TMEM132C: variants seen among roughly 807,000 people sequenced by gnomAD.
The protein encoded by TMEM132C is protein phosphatase 1, regulatory subunit 152.
Under a neutral mutation model 61.4 loss-of-function variants are expected in TMEM132C, and 29 were observed. The observed-to-expected ratio is 0.47, with a 90% CI of 0.35 to 0.64. The LOEUF (loss-of-function observed/expected upper bound fraction) is 0.64, where lower values mean the gene tolerates loss of function less well. Among genes scored for constraint, TMEM132C ranks in the 30% least tolerant of loss-of-function variants. The pLI is 0.00. For missense variants in TMEM132C, 1,408 were observed against 1,476.9 expected (o/e 0.95, Z 0.76); for synonymous variants, 656 against 633.1 (o/e 1.04, Z -0.54).
Position 128,486,876 on chromosome 12 carries a change from AACACACACAC to A in TMEM132C, c.975-57045_975-57036del, listed in dbSNP as rs56407388. Among the ~76,000 whole-genome samples, 615 of 131,210 alleles carry A rather than the reference AACACACACAC, an allele frequency of 4.7e-3. 1 individual carries two copies. The highest frequency in any genetic ancestry group is 0.012 in the East Asian group (58 of 4,748). 86.1% of individuals were successfully genotyped at this position (131,210 alleles called of 152,430 possible). A position where few individuals can be genotyped will look rare whatever the true frequency, so the allele number is the denominator to read the frequency against. On this transcript the variant is annotated intron_variant, in intron 2 of 8. Coordinates refer to ENST00000435159, the MANE Select transcript of TMEM132C (RefSeq NM_001136103.3). ...ATGCTTGTAAACATGTGTGCATGCA[AACACACACAC>A]ACACACACACACACACACACACACA...
At chr12:128,515,848 AG>A (rs1402290773) in intron 2 of TMEM132C, among the ~76,000 whole-genome samples, 2 of 151,690 alleles carry the variant, frequency 1.3e-5, no homozygotes, top group African/African-American at 4.8e-5. Context: ...AAAAAAAAAA[AG>A]TATCTTTGAT....
chr12:128,620,354 G>C (rs1232063611), intron 4 of TMEM132C, among the ~76,000 whole-genome samples: 1 of 151,854 alleles, frequency 6.6e-6, no homozygotes, highest in Non-Finnish European at 1.5e-5. Flanking sequence ...GACAAAGTTT[G>C]CCTTCCTGCA....
chr12:128,373,609 C>T (rs75612071), intron 1 of TMEM132C, among the ~76,000 whole-genome samples: 3,123 of 152,268 alleles, frequency 0.021, 91 homozygotes, highest in African/African-American at 0.071. Flanking sequence ...TTCAGTGGAC[C>T]GTGGGGCACA....
intron 2 of TMEM132C, among the ~76,000 whole-genome samples, chr12:128,519,598 C>G (rs370687309): frequency 2.2e-4 from 33 of 152,346 alleles, no homozygotes; most frequent in Middle Eastern, 6.8e-3. Context: ...CGGACTAAGC[C>G]TTCCTTATTA....
At chr12:128,281,003 C>T (rs890619865) in intron 1 of TMEM132C, among the ~76,000 whole-genome samples, 1 of 152,146 alleles carries the variant, frequency 6.6e-6, no homozygotes, top group African/African-American at 2.4e-5. Context: ...CATATTCCTA[C>T]ATCTCCAGCT....
intron 1 of TMEM132C, among the ~76,000 whole-genome samples, chr12:128,378,451 ATTCATT>A (rs2135988702): frequency 6.6e-6 from 1 of 152,160 alleles, no homozygotes; most frequent in African/African-American, 2.4e-5. Flanking sequence ...AAGTACCTCT[ATTCATT>A]TGCACCTTCA....
At chr12:128,646,328 C>T (rs1432163133) in intron 4 of TMEM132C, among the ~76,000 whole-genome samples, 70 of 90,996 alleles carry the variant, frequency 7.7e-4, no homozygotes, top group African/African-American at 1.3e-3. Context: ...TGAGTGTGTT[C>T]ACTAGATCCC....
In TMEM132C at chr12:128,310,731, C is replaced by T. The variant is rs111434646; in HGVS notation, c.85+43244C>T. Among the ~76,000 whole-genome samples the T allele has an allele frequency of 9.5e-3, 1,441 of 152,230 alleles. 27 individuals carry two copies. The highest frequency in any genetic ancestry group is 0.033 in the African/African-American group (1,367 of 41,512). ...ATTTGGGTGGGGACAGACATGCAAGCTATATCTACCAGTGGGGATGGAGAG... is the reference window on the plus strand; with the variant it reads ...ATTTGGGTGGGGACAGACATGCAAGTTATATCTACCAGTGGGGATGGAGAG... On this transcript the variant is annotated intron_variant, in intron 1 of 8. Coordinates refer to ENST00000435159, the MANE Select transcript of TMEM132C (RefSeq NM_001136103.3).
intron 2 of TMEM132C, among the ~76,000 whole-genome samples, chr12:128,448,440 G>A (rs1273427190): frequency 6.6e-6 from 1 of 152,176 alleles, no homozygotes; most frequent in Non-Finnish European, 1.5e-5. Context: ...GGGTCGACTG[G>A]CTATCATCTG....
chr12:128,470,752 T>C (rs1280912945), intron 2 of TMEM132C, among the ~76,000 whole-genome samples: 4 of 152,344 alleles, frequency 2.6e-5, no homozygotes, highest in Non-Finnish European at 5.9e-5. Context: ...TTTTTCTTAG[T>C]ATAAAAAGCA....
intron 3 of TMEM132C, among the ~76,000 whole-genome samples, chr12:128,602,181 C>T (rs1032795699): frequency 1.3e-5 from 2 of 152,180 alleles, no homozygotes; most frequent in African/African-American, 4.8e-5. Context: ...TGTGCTGCAG[C>T]CCGGACAGAG....
At chr12:128,504,740 A>ATTTTTTT (rs1872300415) in intron 2 of TMEM132C, among the ~76,000 whole-genome samples, 2 of 133,650 alleles carry the variant, frequency 1.5e-5, no homozygotes, top group African/African-American at 5.7e-5. Context: ...GATAATCTTC[A>ATTTTTTT]TTACCTCCTT....
At chr12:128,685,723 G>A (rs965442644) in intron 5 of TMEM132C, among the ~76,000 whole-genome samples, 5 of 150,974 alleles carry the variant, frequency 3.3e-5, no homozygotes, top group Middle Eastern at 3.4e-3. Flanking sequence ...CCAGCTCAGC[G>A]TCATGGCTGA....
At chr12:128,408,315 G>T (rs114825092) in intron 1 of TMEM132C, among the ~76,000 whole-genome samples, 2,066 of 152,272 alleles carry the variant, frequency 0.014, 47 homozygotes, top group African/African-American at 0.046. Context: ...GGAGAGAAAA[G>T]GAATCTTTAT....
intron 2 of TMEM132C, among the ~76,000 whole-genome samples, chr12:128,483,360 G>A (rs1020274307): frequency 1.3e-5 from 2 of 151,538 alleles, no homozygotes; most frequent in South Asian, 4.2e-4. Context: ...AGAGGCACAA[G>A]ACAAGCAGCC....
intron 3 of TMEM132C, among the ~76,000 whole-genome samples, chr12:128,577,631 G>A (rs1875163167): frequency 6.6e-6 from 1 of 152,228 alleles, no homozygotes; most frequent in Non-Finnish European, 1.5e-5. Context: ...CTCGCCACCG[G>A]TGCACTCTGC....
chr12:128,677,661 C>G (rs1419872920), intron 5 of TMEM132C, among the ~76,000 whole-genome samples: 1 of 152,218 alleles, frequency 6.6e-6, no homozygotes, highest in East Asian at 1.9e-4. Flanking sequence ...TGCCCCCACC[C>G]TGGTCCTCAG....
chr12:128,496,912 T>A (rs192061853), intron 2 of TMEM132C, among the ~76,000 whole-genome samples: 1 of 152,356 alleles, frequency 6.6e-6, no homozygotes, highest in Non-Finnish European at 1.5e-5. Context: ...GGTGCTCTGA[T>A]TTTTAGAATT....
At chr12:128,652,036 C>T (rs1343039784) in intron 4 of TMEM132C, among the ~76,000 whole-genome samples, 1 of 152,220 alleles carries the variant, frequency 6.6e-6, no homozygotes, top group African/African-American at 2.4e-5. Flanking sequence ...CCCTTCTCCA[C>T]AGTCCAGAAG....
Sources: gnomAD v4.1 joint callset for allele counts (sites outside exome capture counted in the v4.1 genomes callset) on GRCh38, gnomAD v4.1.1 for gene constraint, MANE v1.5 for transcripts, NCBI Gene and HGNC (gene_info 2026-07-23, HGNC 2026-07-21) for gene names.